Variants in CFAP70 observed in about 807,000 individuals in gnomAD.
The protein encoded by CFAP70 is cilia and flagella associated protein 70.
In CFAP70, 81 loss-of-function variants were observed where a neutral mutation model predicts 137.6. The observed-to-expected ratio is 0.59, with a 90% CI of 0.49 to 0.71. CFAP70 has a LOEUF of 0.71. Among genes scored for constraint, CFAP70 ranks in the 30% least tolerant of loss-of-function variants. The pLI is 0.00. For missense variants in CFAP70, 976 were observed against 1,226.7 expected, an observed-to-expected ratio of 0.80 and a Z score of 3.05; for synonymous variants, 382 against 423.6, an observed-to-expected ratio of 0.90 and a Z score of 1.20.
chr10:73,349,840 C>CTTTG (rs2054054167), intron 3 of CFAP70, among the ~76,000 whole-genome samples: 1 of 152,112 alleles, frequency 6.6e-6, no homozygotes. Flanking sequence ...ATCATATTTG[C>CTTTG]TTTGTTTGCT....
intron 9 of CFAP70, among the ~76,000 whole-genome samples, chr10:73,321,529 T>C (rs1056032255): frequency 1.3e-5 from 2 of 152,214 alleles, no homozygotes; most frequent in African/African-American, 4.8e-5. Flanking sequence ...TTTTCATAAA[T>C]TTATTACTGA....
At chr10:73,293,290 A>G in exon 16 of CFAP70, 1 of 1,612,168 alleles carries the variant, frequency 6.2e-7, no homozygotes, top group Non-Finnish European at 8.5e-7. Context: ...CTGCCATCTC[A>G]AAGTTCTCAT....
At chr10:73,351,069 GTGTATATATATATATA>G (rs1295402737) in intron 3 of CFAP70, among the ~76,000 whole-genome samples, 63 of 50,554 alleles carry the variant, frequency 1.2e-3, no homozygotes, top group African/African-American at 2.8e-3. Context: ...GTGTGTGTGT[GTGTATATATATATATA>G]TATATATATA....
chr10:73,270,897 C>A (rs185381478), intron 24 of CFAP70, among the ~76,000 whole-genome samples: 145 of 152,164 alleles, frequency 9.5e-4, no homozygotes, highest in Middle Eastern at 6.8e-3. Context: ...AAGAGATGGC[C>A]TTTCACCCAC....
exon 5 of CFAP70, chr10:73,345,097 T>C (rs772120628): frequency 4.3e-6 from 7 of 1,614,004 alleles, no homozygotes; most frequent in Middle Eastern, 1.6e-4. Flanking sequence ...AGACCGACCA[T>C]GTAGTTCTGC....
rs565816984 is a variant in CFAP70, at chr10:73,356,207, C to CT, written c.-39-1373dup. On this transcript the variant is annotated intron_variant, in intron 1 of 26. Coordinates refer to ENST00000310715, the Ensembl canonical transcript of CFAP70. ...AAGGTCTTTTATCTCTCCTTCCTTCCTTTTTTTTTTTTTCAGGCTCTCATT... is the reference window on the plus strand; with the variant it reads ...AAGGTCTTTTATCTCTCCTTCCTTCCTTTTTTTTTTTTTTCAGGCTCTCATT... Among the ~76,000 whole-genome samples the CT allele has an allele frequency of 4.0e-3, 569 of 141,894 alleles. 1 individual carries two copies. Among genetic ancestry groups the CT allele is most frequent in the South Asian group, 8.3e-3 (37 of 4,466 alleles). The allele number at this position is 141,894 out of a possible 152,430, so 93.1% of individuals were successfully genotyped here.
chr10:73,351,411 C>G (rs1044503089), intron 3 of CFAP70, among the ~76,000 whole-genome samples: 2 of 151,500 alleles, frequency 1.3e-5, no homozygotes, highest in African/African-American at 4.9e-5. Context: ...AGCCACTGCA[C>G]CCAGTCATTG....
chr10:73,331,927 G>A (rs1297911101), intron 7 of CFAP70, among the ~76,000 whole-genome samples: 6 of 152,152 alleles, frequency 3.9e-5, no homozygotes, highest in Admixed American at 3.9e-4. Context: ...TATTTCTATT[G>A]TGAAAATAGT....
upstream of CFAP70, among the ~76,000 whole-genome samples, chr10:73,359,803 T>C (rs146462245): frequency 3.9e-5 from 6 of 152,088 alleles, no homozygotes; most frequent in African/African-American, 1.2e-4. Context: ...GGGGAAACAG[T>C]GAATGGACGC....
intron 15 of CFAP70, chr10:73,295,580 T>C (rs2048492837): frequency 6.6e-6 from 1 of 152,196 alleles, no homozygotes; most frequent in African/African-American, 2.4e-5. Context: ...ATAACTTCCT[T>C]ATTGTCAAAT....
intron 19 of CFAP70, among the ~76,000 whole-genome samples, chr10:73,283,110 G>C (rs2047385251): frequency 6.6e-6 from 1 of 152,130 alleles, no homozygotes; most frequent in Non-Finnish European, 1.5e-5. Flanking sequence ...TGGGATTACA[G>C]GCGTGAGCCA....
chr10:73,349,576 A>G (rs1291547039), intron 3 of CFAP70, among the ~76,000 whole-genome samples: 8 of 152,038 alleles, frequency 5.3e-5, no homozygotes, highest in African/African-American at 1.9e-4. Flanking sequence ...AAAAGCAAAG[A>G]AAAGCACTGC....
At chr10:73,292,098 C>CTA in intron 16 of CFAP70, 84 bp from the exon 18 acceptor site, 2 of 1,499,092 alleles carry the variant, frequency 1.3e-6, no homozygotes, top group African/African-American at 2.8e-5. Flanking sequence ...ACTGTAAATA[C>CTA]TGTAAGTTCT....
At chr10:73,335,381 A>C (rs1326526407) in intron 7 of CFAP70, 49 bp downstream of exon 8, 1 of 1,206,518 alleles carries the variant, frequency 8.3e-7, no homozygotes, top group Non-Finnish European at 1.2e-6. Flanking sequence ...ATTTCTTCCC[A>C]CCTACAAGCC....
chr10:73,333,054 T>C (rs2052288223), intron 7 of CFAP70, among the ~76,000 whole-genome samples: 1 of 152,176 alleles, frequency 6.6e-6, no homozygotes, highest in Admixed American at 6.5e-5. Context: ...ATGGGTAATG[T>C]AAGCAGAGAT....
At chr10:73,348,156 C>A (rs1265582888) in intron 4 of CFAP70, 46 of 1,613,674 alleles carry the variant, frequency 2.9e-5, no homozygotes, top group Non-Finnish European at 3.8e-5. Flanking sequence ...CTCTGATTAC[C>A]TTAGCACTTG....
At chr10:73,307,642 G>C (rs1182701154) in intron 12 of CFAP70, among the ~76,000 whole-genome samples, 1 of 152,010 alleles carries the variant, frequency 6.6e-6, no homozygotes, top group African/African-American at 2.4e-5. Context: ...TTGATAAAAG[G>C]TTAAATACAG....
At chr10:73,349,522 G>A (rs1265588199) in intron 3 of CFAP70, among the ~76,000 whole-genome samples, 9 of 149,546 alleles carry the variant, frequency 6.0e-5, no homozygotes, top group African/African-American at 7.4e-5. Context: ...CAGCCTGGGC[G>A]ACAGAGCGAG....
chr10:73,320,682 T>C (rs969013815), intron 9 of CFAP70, among the ~76,000 whole-genome samples: 1 of 151,938 alleles, frequency 6.6e-6, no homozygotes, highest in African/African-American at 2.4e-5. Context: ...TTTTTTTTTT[T>C]TCTTGAGAGG....
Sources: allele counts gnomAD v4.1 joint callset (sites outside exome capture counted in the v4.1 genomes callset), GRCh38; gene constraint gnomAD v4.1.1; transcripts MANE v1.5; gene names NCBI Gene and HGNC (gene_info 2026-07-23, HGNC 2026-07-21).